Variants in CDC42BPA observed in about 807,000 individuals in gnomAD.
The protein encoded by CDC42BPA is serine/threonine-protein kinase MRCK alpha.
A neutral mutation model predicts 223.5 loss-of-function variants in CDC42BPA; 80 were observed. The observed-to-expected ratio is 0.36, with a 90% CI of 0.30 to 0.43. The LOEUF (loss-of-function observed/expected upper bound fraction) is 0.43. CDC42BPA is among the 20% of genes least tolerant of loss of function. The probability of loss-of-function intolerance (pLI) is 1.00; values close to 1 mark genes in which losing one functional copy is unlikely to be tolerated. For synonymous variants in CDC42BPA, 694 were observed against 718.6 expected, an observed-to-expected ratio of 0.97 and a Z score of 0.55; for missense variants, 1,743 against 2,099.9, an observed-to-expected ratio of 0.83 and a Z score of 3.32.
chr1:227,304,838 T>C (rs1692278701), intron 1 of CDC42BPA, among the ~76,000 whole-genome samples: 1 of 152,252 alleles, frequency 6.6e-6, no homozygotes, highest in African/African-American at 2.4e-5. Flanking sequence ...AACTGCTCTG[T>C]ACCTTGACTA....
At chr1:227,109,181 T>C (rs538499605) in intron 14 of CDC42BPA, among the ~76,000 whole-genome samples, 1 of 152,248 alleles carries the variant, frequency 6.6e-6, no homozygotes, top group African/African-American at 2.4e-5. Context: ...CCTAGGACAT[T>C]ACTGTACACT....
rs569879499 is a variant in CDC42BPA at position 227,129,666 on chromosome 1, CAAAAAAAAA to C, written c.1391-444_1391-436del. On this transcript the variant is annotated intron_variant, in intron 10 of 36. Coordinates refer to ENST00000366766, the MANE Select transcript of CDC42BPA (RefSeq NM_001394014.1). ...TGGGAGACAAAGTGAGACTGTATCTCAAAAAAAAAAAAAAAAAAAAAAAAAAAATCCACT... is the reference window on the plus strand; with the variant it reads ...TGGGAGACAAAGTGAGACTGTATCTCAAAAAAAAAAAAAAAAAAATCCACT... 1.6e-3 allele frequency among the ~76,000 whole-genome samples: 54 copies of C among 33,920 alleles called. 1 individual carries two copies. The highest frequency in any genetic ancestry group is 5.2e-3 in the African/African-American group (38 of 7,252). The allele number at this position is 33,920 out of a possible 152,430, so 22.3% of individuals were successfully genotyped here.
chr1:227,023,469 C>A, intron 31 of CDC42BPA, 122 bp from the exon 32 acceptor site: 3 of 501,520 alleles, frequency 6.0e-6, no homozygotes, highest in Non-Finnish European at 1.0e-5. Flanking sequence ...CAAAATGCAG[C>A]CCTCTCAGAA....
chr1:227,186,209 T>TTTGA (rs1461467491), intron 5 of CDC42BPA, among the ~76,000 whole-genome samples: 1 of 152,118 alleles, frequency 6.6e-6, no homozygotes, highest in African/African-American at 2.4e-5. Flanking sequence ...CACATTTATT[T>TTTGA]TTGAGTTTTA....
At chr1:227,088,739 T>A (rs558361656) in intron 16 of CDC42BPA, among the ~76,000 whole-genome samples, 149 of 152,146 alleles carry the variant, frequency 9.8e-4, no homozygotes, top group African/African-American at 3.2e-3. Context: ...ATATATATAT[T>A]TTTTGAGACA....
intron 6 of CDC42BPA, among the ~76,000 whole-genome samples, chr1:227,157,699 A>G (rs1663071193): frequency 6.6e-6 from 1 of 151,780 alleles, no homozygotes; most frequent in Admixed American, 6.6e-5. Flanking sequence ...TGGATCCCTA[A>G]GCCTCTATTT....
rs773551047 is a variant in CDC42BPA at position 227,112,835 on chromosome 1, T to C, written c.1726A>G (p.Met576Val). ...TCATTGATCTCCATGAATTCCTGCA[T>C]GGCCAGTTTCCTCTGACAGTGTGCG... ...KDAHCQRKLA[M>V]QEFMEINERL... Residue 576 changes from methionine to valine, a missense_variant, in exon 13 of 37, where the codon ATG (methionine) becomes GTG (valine). Physicochemically the swap from Met to Val is conservative, Grantham distance 21. Coordinates refer to ENST00000366766, the MANE Select transcript of CDC42BPA (RefSeq NM_001394014.1). 2 of 1,614,042 alleles carry C rather than the reference T, an allele frequency of 1.2e-6. No individual in the cohort carries two copies. Among genetic ancestry groups the C allele is most frequent in the South Asian group, 2.2e-5 (2 of 91,090 alleles).
At chr1:227,194,815 C>T (rs1194561847) in intron 4 of CDC42BPA, among the ~76,000 whole-genome samples, 1 of 152,118 alleles carries the variant, frequency 6.6e-6, no homozygotes, top group Non-Finnish European at 1.5e-5. Context: ...AATACTGACT[C>T]CATGTTGTAA....
chr1:227,007,415 T>C (rs1664316413), intron 34 of CDC42BPA, among the ~76,000 whole-genome samples: 1 of 152,174 alleles, frequency 6.6e-6, no homozygotes, highest in Admixed American at 6.5e-5. Flanking sequence ...ATAAAGGTAA[T>C]ACTCATGAAC....
chr1:227,263,727 G>A (rs954913198), intron 1 of CDC42BPA, among the ~76,000 whole-genome samples: 4 of 151,870 alleles, frequency 2.6e-5, no homozygotes, highest in African/African-American at 9.7e-5. Flanking sequence ...GATTACAGGA[G>A]CCCACCACCA....
rs188160411 is a variant in CDC42BPA, at chr1:227,226,604, C to A, written c.271-13385G>T. On this transcript the variant is annotated intron_variant, in intron 2 of 36. Transcript: ENST00000366766. ...AACACTGAAGCAGTATAAAGAACCTCAGCTGCGAAGACCAGCCAAGAAATA... is the reference window on the plus strand; with the variant it reads ...AACACTGAAGCAGTATAAAGAACCTAAGCTGCGAAGACCAGCCAAGAAATA... Among the ~76,000 whole-genome samples the A allele has an allele frequency of 2.5e-3, 384 of 152,264 alleles. 3 individuals are homozygous for A. The highest frequency in any genetic ancestry group is 0.024 in the Admixed American group (363 of 15,286).
At chr1:227,284,510 C>T (rs1016035835) in intron 1 of CDC42BPA, among the ~76,000 whole-genome samples, 2 of 152,118 alleles carry the variant, frequency 1.3e-5, no homozygotes, top group African/African-American at 4.8e-5. Flanking sequence ...CAGGAGAGGG[C>T]CTAACCTTAA....
chr1:227,062,526 T>G (rs1676127183), intron 21 of CDC42BPA, among the ~76,000 whole-genome samples: 3 of 152,154 alleles, frequency 2.0e-5, no homozygotes. Context: ...AATATTGTAT[T>G]ATGCTTAAGG....
chr1:227,158,143 T>G (rs969908157), intron 6 of CDC42BPA, among the ~76,000 whole-genome samples: 7 of 152,082 alleles, frequency 4.6e-5, no homozygotes, highest in Non-Finnish European at 8.8e-5. Flanking sequence ...GTATTTTTAG[T>G]ATAGACAAGC....
At chr1:227,112,567 A>G in intron 13 of CDC42BPA, 104 bp downstream of exon 13, 1 of 992,020 alleles carries the variant, frequency 1.0e-6, no homozygotes, top group Non-Finnish European at 1.3e-6. Flanking sequence ...AACTATAAAA[A>G]TAACTTTAGA....
In CDC42BPA at chr1:227,059,318, TGAGA is replaced by T. The variant is rs930587405; in HGVS notation, c.2905-7337_2905-7334del. 4.2e-6 allele frequency: 6 copies of T among 1,444,846 alleles called. No individual in the cohort carries two copies. In the African/African-American group the frequency reaches 5.6e-5, roughly 14 times the overall value. The allele number at this position is 1,444,846 out of a possible 1,614,324, so 89.5% of individuals were successfully genotyped here. A position where few individuals can be genotyped will look rare whatever the true frequency, so the allele number is the denominator to read the frequency against. ...GGTTCCGCAATCACAGGCAAAAGGA[TGAGA>T]GAGGGGTAAAAGGCCTCAGGATGGG... On this transcript the variant is annotated intron_variant, in intron 21 of 36. Transcript: ENST00000366766.
intron 12 of CDC42BPA, among the ~76,000 whole-genome samples, chr1:227,114,321 A>G (rs1038409661): frequency 6.6e-6 from 1 of 152,086 alleles, no homozygotes; most frequent in African/African-American, 2.4e-5. Flanking sequence ...AAATATTTTC[A>G]AAGATATGAG....
intron 12 of CDC42BPA, among the ~76,000 whole-genome samples, chr1:227,118,893 A>G (rs1204085572): frequency 6.6e-6 from 1 of 152,116 alleles, no homozygotes; most frequent in African/African-American, 2.4e-5. Flanking sequence ...CAGAAAGTAA[A>G]AATGTACTGG....
intron 1 of CDC42BPA, among the ~76,000 whole-genome samples, chr1:227,266,282 G>A (rs1027562541): frequency 2.0e-5 from 3 of 152,136 alleles, no homozygotes; most frequent in African/African-American, 7.2e-5. Flanking sequence ...TAATGAGTAA[G>A]AAGAACAAGG....
Sources: gnomAD v4.1 joint callset for allele counts (sites outside exome capture counted in the v4.1 genomes callset) on GRCh38, gnomAD v4.1.1 for gene constraint, MANE v1.5 for transcripts, NCBI Gene and HGNC (gene_info 2026-07-23, HGNC 2026-07-21) for gene names.